Variants in HECW2 observed in about 807,000 individuals in gnomAD.
HECW2 encodes the protein E3 ubiquitin-protein ligase HECW2.
HECW2 carries 61 observed loss-of-function variants against 175.2 expected under a neutral mutation model. The observed-to-expected ratio is 0.35, with a 90% CI of 0.28 to 0.43. HECW2 has a LOEUF of 0.43. Ranked by LOEUF, HECW2 falls within the 20% of genes least tolerant of loss-of-function variation. The probability of loss-of-function intolerance (pLI) is 1.00; values close to 1 mark genes in which losing one functional copy is unlikely to be tolerated. For synonymous variants in HECW2, 671 were observed against 731.0 expected, an observed-to-expected ratio of 0.92 and a Z score of 1.32; for missense variants, 1,524 against 2,000.5, an observed-to-expected ratio of 0.76 and a Z score of 4.54.
intron 1 of HECW2, among the ~76,000 whole-genome samples, chr2:196,506,263 A>T (rs1687759144): frequency 6.6e-6 from 1 of 152,208 alleles, no homozygotes; most frequent in African/African-American, 2.4e-5. Flanking sequence ...AGAAGTGATA[A>T]GCCCTATATA....
At chr2:196,555,594 G>T (rs1027164631) in intron 1 of HECW2, among the ~76,000 whole-genome samples, 1 of 151,900 alleles carries the variant, frequency 6.6e-6, no homozygotes, top group Non-Finnish European at 1.5e-5. Context: ...GTACACTTCA[G>T]AAAAATGGGA....
At chr2:196,285,998 T>C (rs951318673) in intron 14 of HECW2, among the ~76,000 whole-genome samples, 1 of 152,172 alleles carries the variant, frequency 6.6e-6, no homozygotes, top group Admixed American at 6.5e-5. Flanking sequence ...AAATGTTAGC[T>C]AAGGGAGTGG....
chr2:196,240,490 C>G lies in HECW2; in HGVS notation c.3723G>C (p.Leu1241=). The G allele has an allele frequency of 2.5e-6, 4 of 1,612,690 alleles. No individual in the cohort carries two copies. The highest frequency in any genetic ancestry group is 2.5e-6 in the Non-Finnish European group (3 of 1,179,580). The change falls in exon 21 of 29, where the codon CTG becomes CTC. Residue 1241 remains leucine (L), a synonymous_variant. Coordinates refer to ENST00000644978, the MANE Select transcript of HECW2 (RefSeq NM_001348768.2). ...AGGTGACATATAGCTTATTTCTCTG[C>G]AGGTCTTTTCTGGAGTAGCCCATAA... is the stretch of plus-strand genomic sequence containing the variant. ...NQIMGYSRKD[L]QRNKLYVTFV...
intron 1 of HECW2, among the ~76,000 whole-genome samples, chr2:196,459,486 CCT>C (rs1018932849): frequency 1.1e-4 from 16 of 151,788 alleles, no homozygotes; most frequent in African/African-American, 3.9e-4. Flanking sequence ...GAACAGACCC[CCT>C]GTTAGCCAAG....
At position 196,302,185 on chromosome 2, in the gene HECW2, G is replaced by A. The variant is rs1478218878; in HGVS notation, c.2814+4303C>T. On this transcript the variant is annotated intron_variant, in intron 13 of 28. Transcript: ENST00000644978. ...CCTGTTTTTGTCAGGTTTGCTGAAG[G>A]TCAAATGGTTGTAGGTGTGCAGTCT... Among the ~76,000 whole-genome samples, 4 of 152,122 alleles carry A rather than the reference G, an allele frequency of 2.6e-5. No individual in the cohort carries two copies. In the East Asian group the frequency reaches 7.7e-4, roughly 29 times the overall value.
chr2:196,197,829 G>A lies in HECW2; in HGVS notation c.*3448C>T, dbSNP rs145354931. 4 of 152,282 alleles carry A rather than the reference G, an allele frequency of 2.6e-5. No individual in the cohort carries two copies. Among genetic ancestry groups the A allele is most frequent in the Admixed American group, 2.0e-4 (3 of 15,292 alleles). The allele number at this position is 152,282 out of a possible 1,614,324, so 9.4% of individuals were successfully genotyped here. ...CTACAAAGTGCGTGAGGAGCTAAACGGACGATGTACCTGACAGCACTTTGA... is the reference window on the plus strand; with the variant it reads ...CTACAAAGTGCGTGAGGAGCTAAACAGACGATGTACCTGACAGCACTTTGA... On this transcript the variant is annotated 3_prime_UTR_variant, in exon 29 of 29. Transcript: ENST00000644978.
intron 1 of HECW2, among the ~76,000 whole-genome samples, chr2:196,523,691 G>C (rs1037082293): frequency 5.0e-4 from 76 of 151,462 alleles, no homozygotes; most frequent in African/African-American, 1.8e-3. Context: ...ATGAAGGGTT[G>C]TTGAATTTTG....
At chr2:196,308,407 C>A (rs961725186) in intron 10 of HECW2, among the ~76,000 whole-genome samples, 3 of 152,164 alleles carry the variant, frequency 2.0e-5, no homozygotes, top group African/African-American at 7.2e-5. Flanking sequence ...GGTTTCATAA[C>A]ACTTCAGATA....
intron 1 of HECW2, among the ~76,000 whole-genome samples, chr2:196,579,964 T>C (rs10201127): frequency 0.049 from 7,384 of 152,210 alleles, 593 homozygotes; most frequent in African/African-American, 0.17. Context: ...GAGTGTGGTA[T>C]TTTCTATGAC....
intron 1 of HECW2, among the ~76,000 whole-genome samples, chr2:196,504,066 C>T (rs374630300): frequency 1.3e-5 from 2 of 152,028 alleles, no homozygotes; most frequent in South Asian, 2.1e-4. Context: ...GAGGCCGAGG[C>T]GGGCAGATCA....
At chr2:196,554,744 T>C (rs1184573320) in intron 1 of HECW2, among the ~76,000 whole-genome samples, 1 of 152,234 alleles carries the variant, frequency 6.6e-6, no homozygotes, top group Admixed American at 6.5e-5. Context: ...ATGCAATGGG[T>C]CTGGGGCTTT....
intron 28 of HECW2, among the ~76,000 whole-genome samples, chr2:196,210,913 T>C (rs1687260088): frequency 1.3e-5 from 2 of 152,114 alleles, no homozygotes; most frequent in Non-Finnish European, 2.9e-5. Flanking sequence ...TGTGAGCCAC[T>C]GCACTCTGCC....
intron 1 of HECW2, among the ~76,000 whole-genome samples, chr2:196,469,381 C>T (rs983579827): frequency 1.3e-5 from 2 of 152,120 alleles, no homozygotes; most frequent in East Asian, 1.9e-4. Context: ...GGCAGAGGGG[C>T]TACCTCTGCG....
intron 28 of HECW2, among the ~76,000 whole-genome samples, chr2:196,204,051 G>C (rs1419457463): frequency 6.6e-6 from 1 of 152,064 alleles, no homozygotes; most frequent in Non-Finnish European, 1.5e-5. Context: ...CCTTTTTAAG[G>C]CTGAATAATG....
chr2:196,204,323 C>T (rs1198686044), intron 28 of HECW2, among the ~76,000 whole-genome samples: 1 of 150,570 alleles, frequency 6.6e-6, no homozygotes, highest in African/African-American at 2.5e-5. Flanking sequence ...CTCACCAACA[C>T]TTATTTCTTG....
chr2:196,482,657 G>T (rs1322475862), intron 1 of HECW2, among the ~76,000 whole-genome samples: 1 of 152,188 alleles, frequency 6.6e-6, no homozygotes, highest in Admixed American at 6.5e-5. Flanking sequence ...GGGCAGGGGA[G>T]CTGGCTGCTG....
chr2:196,520,778 T>C (rs1688336193), intron 1 of HECW2, among the ~76,000 whole-genome samples: 1 of 152,190 alleles, frequency 6.6e-6, no homozygotes, highest in South Asian at 2.1e-4. Context: ...TTAAGCAGCA[T>C]AGCTAAGATG....
intron 2 of HECW2, among the ~76,000 whole-genome samples, chr2:196,401,345 T>A (rs1694812250): frequency 6.6e-6 from 1 of 152,204 alleles, no homozygotes; most frequent in Non-Finnish European, 1.5e-5. Context: ...TAGAAGCAAC[T>A]ATTTACAGAA....
chr2:196,304,954 T>C (rs1691204014), intron 13 of HECW2, among the ~76,000 whole-genome samples: 2 of 152,238 alleles, frequency 1.3e-5, no homozygotes, highest in African/African-American at 4.8e-5. Context: ...ATGCTTCTTC[T>C]ACCTAGAGTA....
Sources: allele counts gnomAD v4.1 joint callset (sites outside exome capture counted in the v4.1 genomes callset), GRCh38; gene constraint gnomAD v4.1.1; transcripts MANE v1.5; gene names NCBI Gene and HGNC (gene_info 2026-07-23, HGNC 2026-07-21).